PRDM5: variants seen among roughly 807,000 people sequenced by gnomAD.
PRDM5 encodes PR/SET domain 5.
Under a neutral mutation model 81.2 loss-of-function variants are expected in PRDM5, and 56 were observed. The observed-to-expected ratio is 0.69, with a 90% CI of 0.56 to 0.86. The LOEUF is 0.86. Among genes scored for constraint, PRDM5 ranks in the 40% least tolerant of loss-of-function variants. PRDM5 has a pLI of 0.00. For missense variants in PRDM5, 697 were observed against 770.1 expected, an observed-to-expected ratio of 0.91 and a Z score of 1.12; for synonymous variants, 267 against 256.4, an observed-to-expected ratio of 1.04 and a Z score of -0.39.
In PRDM5 at chr4:120,872,150, C is replaced by CAAAAAAAAAAAAAAA. The variant is rs70948365; in HGVS notation, c.178-18625_178-18611dup. Among the ~76,000 whole-genome samples, 76 of 41,830 alleles carry CAAAAAAAAAAAAAAA rather than the reference C, an allele frequency of 1.8e-3. 4 individuals carry two copies. The highest frequency in any genetic ancestry group is 3.9e-3 in the African/African-American group (33 of 8,368). 27.4% of individuals were successfully genotyped at this position (41,830 alleles called of 152,430 possible). On this transcript the variant is annotated intron_variant, in intron 2 of 15. Transcript: ENST00000264808. ...TGGGCGACAGAGCAAGACTCCATCT[C>CAAAAAAAAAAAAAAA]AAAAAAAAAAAAAAAAAAAAAAAAC...
intron 15 of PRDM5, among the ~76,000 whole-genome samples, chr4:120,703,976 G>C (rs1406999134): frequency 6.6e-6 from 1 of 152,176 alleles, no homozygotes; most frequent in Non-Finnish European, 1.5e-5. Flanking sequence ...AGACAGTTCA[G>C]CTTGCCACTG....
chr4:120,775,666 C>T (rs1017227569), intron 13 of PRDM5, among the ~76,000 whole-genome samples: 20 of 151,944 alleles, frequency 1.3e-4, no homozygotes, highest in African/African-American at 4.6e-4. Flanking sequence ...CTCTACTTGC[C>T]CTCCTCTCAT....
intron 14 of PRDM5, among the ~76,000 whole-genome samples, chr4:120,724,573 A>G (rs1739116873): frequency 6.6e-6 from 1 of 152,212 alleles, no homozygotes; most frequent in African/African-American, 2.4e-5. Flanking sequence ...GGTCACTTCC[A>G]AAAATAACAA....
chr4:120,808,934 C>T (rs7681445), intron 8 of PRDM5, among the ~76,000 whole-genome samples: 5,016 of 152,304 alleles, frequency 0.033, 251 homozygotes, highest in African/African-American at 0.11. Flanking sequence ...CCCCGGTTCC[C>T]GCCTGGCCCT....
intron 2 of PRDM5, among the ~76,000 whole-genome samples, chr4:120,879,226 T>C (rs1355893153): frequency 6.6e-6 from 1 of 152,200 alleles, no homozygotes; most frequent in African/African-American, 2.4e-5. Context: ...ATAAGTGAGC[T>C]ATCAAGCCTC....
At chr4:120,817,001 C>T in intron 5 of PRDM5, 77 bp from the exon 6 acceptor site, 2 of 1,170,544 alleles carry the variant, frequency 1.7e-6, no homozygotes, top group Non-Finnish European at 2.6e-6. Flanking sequence ...ACTACACTAA[C>T]TCTGAATAAA....
intron 8 of PRDM5, among the ~76,000 whole-genome samples, chr4:120,809,055 G>A (rs189212036): frequency 6.6e-6 from 1 of 152,248 alleles, no homozygotes; most frequent in African/African-American, 2.4e-5. Flanking sequence ...AGCATGGCCA[G>A]AGCGGGCGCC....
At chr4:120,783,603 C>T (rs2064369920) in intron 11 of PRDM5, among the ~76,000 whole-genome samples, 2 of 152,096 alleles carry the variant, frequency 1.3e-5, no homozygotes, top group African/African-American at 2.4e-5. Context: ...TCTATTCTAA[C>T]ATTCATTCAT....
At chr4:120,821,678 A>G (rs1377913579) in intron 3 of PRDM5, among the ~76,000 whole-genome samples, 1 of 152,102 alleles carries the variant, frequency 6.6e-6, no homozygotes, top group Non-Finnish European at 1.5e-5. Flanking sequence ...AGTGTCATTC[A>G]CACATGCAGA....
intron 14 of PRDM5, among the ~76,000 whole-genome samples, chr4:120,740,768 G>T (rs948167864): frequency 1.4e-4 from 22 of 152,184 alleles, no homozygotes; most frequent in Non-Finnish European, 2.9e-4. Context: ...GCTGGAGAAT[G>T]ATTCAGAGCA....
chr4:120,755,466 A>T (rs1431108152), intron 13 of PRDM5, among the ~76,000 whole-genome samples: 1 of 152,226 alleles, frequency 6.6e-6, no homozygotes, highest in Non-Finnish European at 1.5e-5. Context: ...TCAAAGATCA[A>T]TATAATAAAA....
chr4:120,777,083 A>G (rs1043225709), intron 13 of PRDM5, 105 bp downstream of exon 13: 33 of 1,585,372 alleles, frequency 2.1e-5, no homozygotes, highest in Non-Finnish European at 2.6e-6. Context: ...AGCCAAGATT[A>G]ATTCTTAATC....
At position 120,798,365 on chromosome 4, in the gene PRDM5, C is replaced by A; in HGVS notation, c.1090G>T (p.Gly364Cys). 6.2e-7 allele frequency: 1 copy of A among 1,613,110 alleles called. No homozygotes were observed. The highest frequency in any genetic ancestry group is 8.5e-7 in the Non-Finnish European group (1 of 1,179,384). ...NKSFKRLDQV[G>C]AHKVIHSEDK... is the part of the protein sequence containing the mutation. ...TCGCTGTGTATTACTTTGTGAGCAC[C>A]CACTTGATCAAGCCTCTTGAAAGAC... Residue 364 changes from glycine (G) to cysteine (C), a missense_variant, in exon 10 of 16, where the codon GGT becomes TGT. Around this residue, in one of 3 missense-constraint regions of PRDM5, gnomAD observed 577 missense variants for 606.7 expected, o/e 0.95. Coordinates refer to ENST00000264808, the MANE Select transcript of PRDM5 (RefSeq NM_018699.4).
chr4:120,713,842 G>A (rs1444951506), intron 14 of PRDM5, among the ~76,000 whole-genome samples: 1 of 152,182 alleles, frequency 6.6e-6, no homozygotes, highest in African/African-American at 2.4e-5. Context: ...GAGGTTAGAA[G>A]TCTAAGGTCA....
chr4:120,688,422 G>A (rs1014872129), downstream of PRDM5, among the ~76,000 whole-genome samples: 5 of 151,958 alleles, frequency 3.3e-5, no homozygotes, highest in Non-Finnish European at 7.4e-5. Context: ...TTCTCCCATT[G>A]CATAGGTTGC....
intron 3 of PRDM5, among the ~76,000 whole-genome samples, chr4:120,827,253 T>C (rs539319895): frequency 3.3e-5 from 5 of 152,274 alleles, no homozygotes; most frequent in Admixed American, 2.0e-4. Flanking sequence ...TCATATAATA[T>C]GGAATTCAGA....
chr4:120,901,898 C>G (rs1356796587), intron 2 of PRDM5, among the ~76,000 whole-genome samples: 1 of 152,182 alleles, frequency 6.6e-6, no homozygotes, highest in Non-Finnish European at 1.5e-5. Context: ...ACTGCATCCA[C>G]AGAAACGTTC....
intron 15 of PRDM5, among the ~76,000 whole-genome samples, chr4:120,700,573 T>C (rs1422640344): frequency 6.6e-6 from 1 of 152,140 alleles, no homozygotes; most frequent in African/African-American, 2.4e-5. Context: ...ATGTCCAGAA[T>C]CTGTAAGGAA....
intron 2 of PRDM5, among the ~76,000 whole-genome samples, chr4:120,899,906 T>C (rs962713305): frequency 1.6e-4 from 25 of 152,092 alleles, no homozygotes; most frequent in African/African-American, 5.8e-4. Context: ...GCTAAAAGTA[T>C]TCAGGAGAAC....
Sources: gnomAD v4.1 joint callset for allele counts (sites outside exome capture counted in the v4.1 genomes callset) on GRCh38, gnomAD v4.1.1 for gene constraint, gnomAD v4.1.1 regional missense constraint, MANE v1.5 for transcripts, NCBI Gene and HGNC (gene_info 2026-07-23, HGNC 2026-07-21) for gene names.